The following WDPCP variants were observed in gnomAD, a reference collection of about 807,000 sequenced individuals.
WDPCP encodes the protein WD repeat-containing and planar cell polarity effector protein fritz homolog.
A neutral mutation model predicts 93.1 loss-of-function variants in WDPCP; 71 were observed. The ratio of observed to expected loss-of-function variants is 0.76; its 90% CI spans 0.63 to 0.93. The LOEUF (loss-of-function observed/expected upper bound fraction) is 0.93, where lower values mean the gene tolerates loss of function less well. Ranked by LOEUF, WDPCP falls within the 40% of genes least tolerant of loss-of-function variation. The pLI is 0.00. For missense variants in WDPCP, 844 were observed against 887.4 expected, an observed-to-expected ratio of 0.95 and a Z score of 0.62; for synonymous variants, 315 against 315.0, an observed-to-expected ratio of 1.00 and a Z score of 0.00.
At chr2:63,477,807 C>T (rs1264166167) in intron 6 of WDPCP, 1 of 152,158 alleles carries the variant, frequency 6.6e-6, no homozygotes, top group Non-Finnish European at 1.5e-5. Context: ...AGAAGGATCT[C>T]ACCTTACCTG....
At chr2:63,228,406 G>A (rs1026411105) in intron 14 of WDPCP, 7 of 37,994 alleles carry the variant, frequency 1.8e-4, no homozygotes, top group African/African-American at 6.7e-4. Context: ...TTTTTTTTTT[G>A]AATTTTTTGA....
intron 12 of WDPCP, among the ~76,000 whole-genome samples, chr2:63,341,567 C>T (rs1039664673): frequency 6.6e-6 from 1 of 152,186 alleles, no homozygotes; most frequent in African/African-American, 2.4e-5. Context: ...TAGCATTGTT[C>T]AAACCCTCAA....
intron 14 of WDPCP, among the ~76,000 whole-genome samples, chr2:63,215,943 G>A (rs1292787523): frequency 2.0e-5 from 3 of 152,152 alleles, no homozygotes; most frequent in Non-Finnish European, 4.4e-5. Context: ...GCAGCCAAAA[G>A]ACACATGAAA....
At chr2:63,194,592 C>T (rs779097590) in intron 14 of WDPCP, among the ~76,000 whole-genome samples, 2 of 152,136 alleles carry the variant, frequency 1.3e-5, no homozygotes, top group African/African-American at 2.4e-5. Context: ...TTTCCCTTCT[C>T]ATCTTAGAAA....
At chr2:63,564,261 G>C (rs139933247) in intron 1 of WDPCP, 1 of 152,192 alleles carries the variant, frequency 6.6e-6, no homozygotes, top group Non-Finnish European at 1.5e-5. Flanking sequence ...AGTTCAGCCT[G>C]GTTAACTTGT....
intron 2 of WDPCP, among the ~76,000 whole-genome samples, chr2:63,802,744 A>C: frequency 6.6e-6 from 1 of 152,224 alleles, no homozygotes; most frequent in South Asian, 2.1e-4. Context: ...TTTAAAAAAA[A>C]AGACACATAG....
intron 2 of WDPCP, among the ~76,000 whole-genome samples, chr2:63,704,230 T>A (rs2103720935): frequency 6.6e-6 from 1 of 152,370 alleles, no homozygotes; most frequent in Admixed American, 6.5e-5. Context: ...AGATATATAA[T>A]CATGTCATCT....
intron 3 of WDPCP, among the ~76,000 whole-genome samples, chr2:63,600,552 T>C (rs1251133722): frequency 6.6e-6 from 1 of 152,216 alleles, no homozygotes; most frequent in East Asian, 1.9e-4. Flanking sequence ...CTTATGAGGA[T>C]TAAATAAGAT....
At chr2:63,743,008 C>T (rs1359267665) in intron 2 of WDPCP, among the ~76,000 whole-genome samples, 1 of 151,934 alleles carries the variant, frequency 6.6e-6, no homozygotes, top group Non-Finnish European at 1.5e-5. Context: ...GGGATGTTTA[C>T]ATCTTTTTAA....
chr2:63,281,008 C>T (rs944584548), intron 13 of WDPCP, among the ~76,000 whole-genome samples: 1 of 151,990 alleles, frequency 6.6e-6, no homozygotes, highest in Non-Finnish European at 1.5e-5. Flanking sequence ...AGTTTTTCTG[C>T]ACTGGAAAAG....
At chr2:63,136,089 A>G (rs1670597245) in intron 17 of WDPCP, among the ~76,000 whole-genome samples, 2 of 152,186 alleles carry the variant, frequency 1.3e-5, no homozygotes, top group African/African-American at 2.4e-5. Context: ...AATGTATTCT[A>G]TTAAAGATGT....
chr2:63,735,309 G>A (rs1043278256), intron 2 of WDPCP, among the ~76,000 whole-genome samples: 4 of 152,286 alleles, frequency 2.6e-5, no homozygotes, highest in Middle Eastern at 3.4e-3. Context: ...TATCAGAACC[G>A]TGGCCTTAAA....
intron 12 of WDPCP, among the ~76,000 whole-genome samples, chr2:63,318,660 G>A (rs898854090): frequency 1.3e-5 from 2 of 151,996 alleles, no homozygotes; most frequent in Non-Finnish European, 2.9e-5. Context: ...AATTAATACA[G>A]GACCAAAAAA....
rs561681334 is a variant in WDPCP, at chr2:63,786,200, C to G, written n.308+27422G>C. 2.9e-3 allele frequency among the ~76,000 whole-genome samples: 448 copies of G among 152,116 alleles called. 1 individual carries two copies. The highest frequency in any genetic ancestry group is 0.01 in the Middle Eastern group (3 of 294). On this transcript the variant is annotated intron_variant and non_coding_transcript_variant, in intron 2 of 4. Coordinates refer to the WDPCP transcript ENST00000467687. Reference sequence around the variant, plus strand: ...TAATTTTTAAATTCTTTTGTAGAGACGAGGTCTCACTATATTGCCCAGGCT... The same window carrying G: ...TAATTTTTAAATTCTTTTGTAGAGAGGAGGTCTCACTATATTGCCCAGGCT...
chr2:63,151,313 C>T (rs1165940204), intron 17 of WDPCP, among the ~76,000 whole-genome samples: 1 of 152,158 alleles, frequency 6.6e-6, no homozygotes, highest in Non-Finnish European at 1.5e-5. Context: ...CAATCTCCAG[C>T]TCCTGGGCTC....
intron 1 of WDPCP, among the ~76,000 whole-genome samples, chr2:63,526,842 G>T (rs1703373334): frequency 1.3e-5 from 2 of 152,128 alleles, no homozygotes; most frequent in South Asian, 4.1e-4. Context: ...GGATTACCTT[G>T]ATTATTTCTT....
At chr2:63,719,792 T>C (rs572540177) in intron 2 of WDPCP, among the ~76,000 whole-genome samples, 1 of 152,250 alleles carries the variant, frequency 6.6e-6, no homozygotes, top group South Asian at 2.1e-4. Context: ...ATAAAAGTTT[T>C]TAAAAGTTTA....
intron 1 of WDPCP, among the ~76,000 whole-genome samples, chr2:63,524,613 T>G (rs1703185100): frequency 6.6e-6 from 1 of 152,152 alleles, no homozygotes; most frequent in African/African-American, 2.4e-5. Context: ...CAAGATGGAT[T>G]AAAGATTTAA....
intron 3 of WDPCP, among the ~76,000 whole-genome samples, chr2:63,635,583 A>G (rs990253827): frequency 5.9e-5 from 9 of 152,230 alleles, no homozygotes; most frequent in African/African-American, 2.2e-4. Flanking sequence ...GATACACCAG[A>G]TTAACAGAAT....
Sources: allele counts gnomAD v4.1 joint callset (sites outside exome capture counted in the v4.1 genomes callset), GRCh38; gene constraint gnomAD v4.1.1; transcripts MANE v1.5; gene names NCBI Gene and HGNC (gene_info 2026-07-23, HGNC 2026-07-21).